The following LAMP3 variants were observed in gnomAD, a reference collection of about 807,000 sequenced individuals.
LAMP3 encodes lysosome associated membrane protein 3.
A neutral mutation model predicts 34.8 loss-of-function variants in LAMP3; 26 were observed. The observed-to-expected ratio is 0.75, with a 90% confidence interval of 0.55 to 1.04. The LOEUF (loss-of-function observed/expected upper bound fraction) is 1.04, where lower values mean the gene tolerates loss of function less well. Among genes scored for constraint, LAMP3 ranks in the 50% least tolerant of loss-of-function variants. The pLI is 0.00. For missense variants in LAMP3, 495 were observed against 524.0 expected, an observed-to-expected ratio of 0.94 and a Z score of 0.54; for synonymous variants, 180 against 201.9, an observed-to-expected ratio of 0.89 and a Z score of 0.92.
In LAMP3 at chr3:183,140,518, G is replaced by A. The variant is rs998272404; in HGVS notation, c.946+20C>T. ...AAACAGCGTCATGGCTGGTCGAATG[G>A]GCATTCTGTAATTACTAACCTGGAT... On this transcript the variant is annotated intron_variant, in intron 4 of 5. Coordinates refer to ENST00000265598, the MANE Select transcript of LAMP3 (RefSeq NM_014398.4). 3 of 1,494,298 alleles carry A rather than the reference G, an allele frequency of 2.0e-6. No individual in the cohort carries two copies. The highest frequency in any genetic ancestry group is 1.9e-6 in the Non-Finnish European group (2 of 1,072,422). The allele number at this position is 1,494,298 out of a possible 1,614,324, so 92.6% of individuals were successfully genotyped here. A position where few individuals can be genotyped will look rare whatever the true frequency, so the allele number is the denominator to read the frequency against.
chr3:183,122,852 G>A lies in LAMP3; in HGVS notation c.*1229C>T, dbSNP rs1002694170. 22 of 152,238 alleles carry A rather than the reference G, an allele frequency of 1.4e-4. No individual in the cohort carries two copies. Among genetic ancestry groups the A allele is most frequent in the African/African-American group, 5.3e-4 (22 of 41,454 alleles). The allele number at this position is 152,238 out of a possible 1,614,324, so 9.4% of individuals were successfully genotyped here. On this transcript the variant is annotated 3_prime_UTR_variant, in exon 6 of 6. Transcript: ENST00000265598. ...TGAGGTGTGAGCCTTCAGGCAGAGT[G>A]TGGTGTCATTGTTCTTGTAGGTAAC...
chr3:183,125,619 C>A (rs754379949), intron 5 of LAMP3, among the ~76,000 whole-genome samples: 8 of 152,078 alleles, frequency 5.3e-5, no homozygotes, highest in Non-Finnish European at 1.2e-4. Flanking sequence ...ATGGAGATAG[C>A]AATCAGAAGA....
chr3:183,133,321 C>G (rs1719983182), intron 5 of LAMP3, among the ~76,000 whole-genome samples: 1 of 152,148 alleles, frequency 6.6e-6, no homozygotes, highest in South Asian at 2.1e-4. Flanking sequence ...TGTCTTGACT[C>G]TCAAACTAGA....
intron 3 of LAMP3, among the ~76,000 whole-genome samples, chr3:183,152,022 G>T (rs550351764): frequency 6.6e-6 from 1 of 152,118 alleles, no homozygotes. Context: ...GAATAATCCT[G>T]TTCCTCCGAA....
intron 5 of LAMP3, among the ~76,000 whole-genome samples, chr3:183,134,413 A>G (rs1576871875): frequency 6.6e-6 from 1 of 152,224 alleles, no homozygotes; most frequent in Admixed American, 6.5e-5. Context: ...TACCTCTGCC[A>G]CTAAGAAGTT....
At chr3:183,124,808 G>C (rs983361721) in intron 5 of LAMP3, among the ~76,000 whole-genome samples, 5 of 152,112 alleles carry the variant, frequency 3.3e-5, no homozygotes, top group African/African-American at 1.2e-4. Flanking sequence ...CTCCAGCCTG[G>C]GCAACAAGAG....
chr3:183,148,044 A>T (rs1231979168), intron 3 of LAMP3, among the ~76,000 whole-genome samples: 1 of 152,182 alleles, frequency 6.6e-6, no homozygotes, highest in East Asian at 1.9e-4. Flanking sequence ...CAGAAATTCA[A>T]AGGTGCCAAG....
chr3:183,144,292 G>T (rs1304656406), intron 3 of LAMP3, among the ~76,000 whole-genome samples: 1 of 152,198 alleles, frequency 6.6e-6, no homozygotes, highest in Non-Finnish European at 1.5e-5. Flanking sequence ...TATATGCGAA[G>T]TCGGGGTGAG....
intron 3 of LAMP3, among the ~76,000 whole-genome samples, chr3:183,147,226 G>C (rs1026167025): frequency 6.9e-6 from 1 of 145,076 alleles, no homozygotes. Flanking sequence ...CTGGGCAACA[G>C]AGTGAGACCC....
intron 3 of LAMP3, among the ~76,000 whole-genome samples, chr3:183,149,716 G>A (rs971098753): frequency 1.1e-4 from 16 of 150,800 alleles, no homozygotes; most frequent in Admixed American, 1.1e-3. Context: ...ATAACTGAGA[G>A]TATATTTAGA....
At chr3:183,144,265 C>T (rs930926531) in intron 3 of LAMP3, among the ~76,000 whole-genome samples, 3 of 152,172 alleles carry the variant, frequency 2.0e-5, no homozygotes, top group Non-Finnish European at 2.9e-5. Flanking sequence ...GTTTATCAAA[C>T]ATTGCTAAAG....
At position 183,147,866 on chromosome 3, in the gene LAMP3, G is replaced by A. The variant is rs1330622813; in HGVS notation, c.888+4509C>T. ...GTGGTAGCTGGGACCACAGGTACAC[G>A]TCACCATGGCTAGCTAATTTTTAAA... On this transcript the variant is annotated intron_variant, in intron 3 of 5. Coordinates refer to ENST00000265598, the MANE Select transcript of LAMP3 (RefSeq NM_014398.4). Among the ~76,000 whole-genome samples the A allele has an allele frequency of 3.3e-5, 5 of 152,050 alleles. No individual in the cohort carries two copies. The East Asian group carries it at 9.7e-4, about 29-fold the overall frequency.
rs1231726856 is a variant in LAMP3, at chr3:183,124,041, T to G, written c.*40A>C. The G allele has an allele frequency of 1.9e-6, 3 of 1,610,952 alleles. No individual in the cohort carries two copies. Among genetic ancestry groups the G allele is most frequent in the South Asian group, 2.2e-5 (2 of 90,928 alleles). On this transcript the variant is annotated 3_prime_UTR_variant, in exon 6 of 6. Transcript: ENST00000265598. Reference sequence around the variant, plus strand: ...ATCCATCCTGGAAGGGATGAAAGAGTTCTCTAAATTCCATTATTTTCATTC... The same window carrying G: ...ATCCATCCTGGAAGGGATGAAAGAGGTCTCTAAATTCCATTATTTTCATTC...
At chr3:183,125,113 A>G (rs1340671868) in intron 5 of LAMP3, among the ~76,000 whole-genome samples, 1 of 152,248 alleles carries the variant, frequency 6.6e-6, no homozygotes, top group Non-Finnish European at 1.5e-5. Flanking sequence ...GAGACTAATA[A>G]ATCTCAACCG....
chr3:183,162,581 C>G (rs1721009718), intron 1 of LAMP3, 26 bp downstream of exon 1: 3 of 1,547,064 alleles, frequency 1.9e-6, no homozygotes, highest in Admixed American at 2.0e-5. Flanking sequence ...TCAGGGCCAC[C>G]GCGGGAAGCG....
At chr3:183,155,459 G>C (rs762456626) in intron 1 of LAMP3, among the ~76,000 whole-genome samples, 5 of 152,184 alleles carry the variant, frequency 3.3e-5, no homozygotes, top group Admixed American at 3.3e-4. Context: ...ATTTCAGGTG[G>C]GTTGTCCTTT....
intron 2 of LAMP3, among the ~76,000 whole-genome samples, chr3:183,153,106 T>C (rs961333475): frequency 2.2e-5 from 3 of 133,374 alleles, no homozygotes; most frequent in Admixed American, 1.9e-4. Context: ...ACCAGGGAGG[T>C]GGAGGTTGCA....
At chr3:183,161,248 G>C (rs1469794964) in intron 1 of LAMP3, among the ~76,000 whole-genome samples, 1 of 152,070 alleles carries the variant, frequency 6.6e-6, no homozygotes, top group Non-Finnish European at 1.5e-5. Context: ...CCCCTCAAAG[G>C]CCTCCACCTC....
intron 4 of LAMP3, among the ~76,000 whole-genome samples, chr3:183,137,590 C>T (rs1042818827): frequency 2.0e-5 from 3 of 152,092 alleles, no homozygotes; most frequent in Admixed American, 6.6e-5. Flanking sequence ...TGTACACTGC[C>T]GGGTCACGTG....
Sources: gnomAD v4.1 joint callset for allele counts (sites outside exome capture counted in the v4.1 genomes callset) on GRCh38, gnomAD v4.1.1 for gene constraint, MANE v1.5 for transcripts, NCBI Gene and HGNC (gene_info 2026-07-23, HGNC 2026-07-21) for gene names.